Variants in NR1H4 observed in about 807,000 individuals in gnomAD.
NR1H4 encodes nuclear receptor subfamily 1 group H member 4.
Under a neutral mutation model 58.5 loss-of-function variants are expected in NR1H4, and 23 were observed. The ratio of observed to expected loss-of-function variants is 0.39; its 90% CI spans 0.28 to 0.56. The LOEUF (loss-of-function observed/expected upper bound fraction) is 0.56, where lower values mean the gene tolerates loss of function less well. NR1H4 is among the 20% of genes least tolerant of loss of function. NR1H4 has a pLI of 0.58. For missense variants in NR1H4, 487 were observed against 576.9 expected, an observed-to-expected ratio of 0.84 and a Z score of 1.60; for synonymous variants, 214 against 198.0, an observed-to-expected ratio of 1.08 and a Z score of -0.68.
intron 9 of NR1H4, among the ~76,000 whole-genome samples, chr12:100,559,471 C>T (rs1955411792): frequency 6.6e-6 from 1 of 152,186 alleles, no homozygotes; most frequent in Non-Finnish European, 1.5e-5. Context: ...GCCCCTCACT[C>T]GGAGCAGCCG....
At chr12:100,526,746 T>C (rs1476967995) in intron 4 of NR1H4, among the ~76,000 whole-genome samples, 1 of 152,160 alleles carries the variant, frequency 6.6e-6, no homozygotes, top group African/African-American at 2.4e-5. Context: ...CTGTCACTCC[T>C]CTAGAAGCTC....
chr12:100,488,072 G>T (rs779701371), intron 1 of NR1H4, among the ~76,000 whole-genome samples: 16 of 151,684 alleles, frequency 1.1e-4, no homozygotes, highest in Non-Finnish European at 2.2e-4. Flanking sequence ...GCAATTTTGG[G>T]TCACTGCAAC....
intron 1 of NR1H4, among the ~76,000 whole-genome samples, chr12:100,489,104 A>G: frequency 6.6e-6 from 1 of 152,332 alleles, no homozygotes; most frequent in South Asian, 2.1e-4. Context: ...GTAATTAGAC[A>G]AATAATGTAT....
intron 5 of NR1H4, among the ~76,000 whole-genome samples, chr12:100,534,451 T>C (rs1954768003): frequency 6.6e-6 from 1 of 152,216 alleles, no homozygotes; most frequent in South Asian, 2.1e-4. Flanking sequence ...ATAATATTAA[T>C]GGCATGTTTT....
intron 4 of NR1H4, among the ~76,000 whole-genome samples, chr12:100,530,575 A>G (rs775283053): frequency 7.2e-5 from 11 of 152,204 alleles, no homozygotes; most frequent in Admixed American, 1.3e-4. Context: ...AACCAGTTAA[A>G]CATCTCACTT....
chr12:100,557,455 A>C (rs1427783124), intron 9 of NR1H4, among the ~76,000 whole-genome samples: 2 of 152,232 alleles, frequency 1.3e-5, no homozygotes, highest in African/African-American at 4.8e-5. Context: ...ACATTTCAAC[A>C]TGAGATTTAG....
chr12:100,513,961 T>G (rs1396758796), intron 4 of NR1H4, among the ~76,000 whole-genome samples: 1 of 152,224 alleles, frequency 6.6e-6, no homozygotes, highest in Non-Finnish European at 1.5e-5. Flanking sequence ...AGAAACCAAC[T>G]GCTGATCTAC....
chr12:100,552,581 C>T (rs1263171091), intron 9 of NR1H4, among the ~76,000 whole-genome samples: 1 of 152,140 alleles, frequency 6.6e-6, no homozygotes, highest in Non-Finnish European at 1.5e-5. Flanking sequence ...TATTAATCTC[C>T]TATTATGTCT....
At position 100,482,610 on chromosome 12, in the gene NR1H4, A is replaced by T. The variant is rs147978935; in HGVS notation, c.-190+8551A>T. Among the ~76,000 whole-genome samples, 3 of 152,312 alleles carry T rather than the reference A, an allele frequency of 2.0e-5. No homozygotes were observed. The East Asian group carries it at 5.8e-4, about 29-fold the overall frequency. ...AGACACAGAAAACCAAATCCACAAAAACAAAGGTTGAATTACAATGGTAAC... is the reference window on the plus strand; with the variant it reads ...AGACACAGAAAACCAAATCCACAAATACAAAGGTTGAATTACAATGGTAAC... On this transcript the variant is annotated intron_variant, in intron 1 of 10. Coordinates refer to ENST00000392986, the MANE Select transcript of NR1H4 (RefSeq NM_001206979.2).
chr12:100,501,551 ACT>A (rs1289882758), intron 3 of NR1H4, among the ~76,000 whole-genome samples: 1 of 152,116 alleles, frequency 6.6e-6, no homozygotes, highest in Admixed American at 6.6e-5. Context: ...ACTGAAACTC[ACT>A]GAGTTTAAAA....
chr12:100,520,560 C>T (rs1435548377), intron 4 of NR1H4, among the ~76,000 whole-genome samples: 1 of 152,122 alleles, frequency 6.6e-6, no homozygotes, highest in African/African-American at 2.4e-5. Context: ...CAGGAAGTTG[C>T]CTTCACTGGC....
intron 3 of NR1H4, among the ~76,000 whole-genome samples, chr12:100,502,370 G>T (rs1052472132): frequency 2.0e-5 from 3 of 152,100 alleles, no homozygotes; most frequent in Admixed American, 6.6e-5. Flanking sequence ...GTGTCAGCAG[G>T]GTTAGCTCTT....
intron 4 of NR1H4, among the ~76,000 whole-genome samples, chr12:100,513,571 G>GA (rs1264019478): frequency 6.6e-6 from 1 of 152,128 alleles, no homozygotes; most frequent in Non-Finnish European, 1.5e-5. Flanking sequence ...GAGGTGGGGG[G>GA]ATCACCTAAG....
chr12:100,493,534 T>C (rs1953649104), intron 3 of NR1H4, 132 bp downstream of exon 3: 1 of 651,134 alleles, frequency 1.5e-6, no homozygotes, highest in Admixed American at 2.3e-5. Context: ...ACTCAATCAA[T>C]GTTAGCTACT....
intron 4 of NR1H4, among the ~76,000 whole-genome samples, chr12:100,518,782 C>A (rs1207855612): frequency 6.7e-6 from 1 of 149,124 alleles, no homozygotes. Context: ...TGTTCTTGAC[C>A]AATGACTTTT....
intron 9 of NR1H4, among the ~76,000 whole-genome samples, chr12:100,559,995 C>T (rs1352812090): frequency 6.6e-6 from 1 of 151,822 alleles, no homozygotes; most frequent in East Asian, 1.9e-4. Context: ...ACCTTTATGC[C>T]TAGCTCAGGG....
intron 4 of NR1H4, among the ~76,000 whole-genome samples, chr12:100,518,537 CAGGCA>C (rs1954324922): frequency 6.6e-6 from 1 of 152,144 alleles, no homozygotes; most frequent in Non-Finnish European, 1.5e-5. Context: ...GGGTTGGAAC[CAGGCA>C]GGGCCCATGT....
At chr12:100,556,640 T>A (rs1364746116) in intron 9 of NR1H4, among the ~76,000 whole-genome samples, 2 of 152,184 alleles carry the variant, frequency 1.3e-5, no homozygotes, top group Non-Finnish European at 2.9e-5. Flanking sequence ...GTGGCATGTA[T>A]ATATGTTTCA....
chr12:100,483,246 A>T (rs1051796610), intron 1 of NR1H4, among the ~76,000 whole-genome samples: 2 of 152,132 alleles, frequency 1.3e-5, no homozygotes, highest in Non-Finnish European at 2.9e-5. Context: ...CTTGACAAAC[A>T]AGTCATATTT....
Sources: gnomAD v4.1 joint callset for allele counts (sites outside exome capture counted in the v4.1 genomes callset) on GRCh38, gnomAD v4.1.1 for gene constraint, MANE v1.5 for transcripts, NCBI Gene and HGNC (gene_info 2026-07-23, HGNC 2026-07-21) for gene names.